The following CNNM2 variants were observed in gnomAD, a reference collection of about 807,000 sequenced individuals.
The protein encoded by CNNM2 is cyclin and CBS domain divalent metal cation transport mediator 2, also known as metal transporter CNNM2.
A neutral mutation model predicts 66.9 loss-of-function variants in CNNM2; 12 were observed. The observed-to-expected ratio is 0.18, with a 90% CI of 0.11 to 0.29. The LOEUF (loss-of-function observed/expected upper bound fraction) is 0.29, where lower values mean the gene tolerates loss of function less well. Among genes scored for constraint, CNNM2 ranks in the 10% least tolerant of loss-of-function variants. CNNM2 has a pLI of 1.00. For synonymous variants in CNNM2, 557 were observed against 501.8 expected (o/e 1.11, Z -1.47); for missense variants, 705 against 1,167.7 (o/e 0.60, Z 5.77).
intron 1 of CNNM2, among the ~76,000 whole-genome samples, chr10:102,921,936 C>T (rs1238979650): frequency 6.6e-6 from 1 of 152,084 alleles, no homozygotes; most frequent in Non-Finnish European, 1.5e-5. Flanking sequence ...TTTCAAAATT[C>T]GTATTATTTT....
intron 1 of CNNM2, chr10:102,927,536 G>C: frequency 7.2e-7 from 1 of 1,385,534 alleles, no homozygotes; most frequent in African/African-American, 1.4e-5. Flanking sequence ...CAGGGAGGTG[G>C]ATCACTTGAG....
Position 103,054,583 on chromosome 10 carries a change from C to A in CNNM2, c.1903+117C>A. ...TGGGAAATGGGGTGATAAGTAATGCCACTTTTGTGTTTTGTTTTTTTTGTT... is the reference window on the plus strand; with the variant it reads ...TGGGAAATGGGGTGATAAGTAATGCAACTTTTGTGTTTTGTTTTTTTTGTT... On this transcript the variant is annotated intron_variant, in intron 3 of 7. Coordinates refer to ENST00000369878, the MANE Select transcript of CNNM2 (RefSeq NM_017649.5). This position sits in a 1 kb window ranked among gnomAD's most constrained non-coding sequence, Gnocchi z 5.2. The A allele has an allele frequency of 9.4e-7, 1 of 1,061,176 alleles. No homozygotes were observed. The highest frequency in any genetic ancestry group is 1.4e-6 in the Non-Finnish European group (1 of 731,338). The allele number at this position is 1,061,176 out of a possible 1,614,324, so 65.7% of individuals were successfully genotyped here. A position where few individuals can be genotyped will look rare whatever the true frequency, so the allele number is the denominator to read the frequency against.
intron 1 of CNNM2, among the ~76,000 whole-genome samples, chr10:102,994,268 T>G (rs1412254689): frequency 6.6e-6 from 1 of 152,190 alleles, no homozygotes; most frequent in Non-Finnish European, 1.5e-5. Context: ...TTACTTGATA[T>G]GAGTTGTGAA....
chr10:103,059,086 G>T (rs1488364712), intron 4 of CNNM2, among the ~76,000 whole-genome samples: 2 of 152,100 alleles, frequency 1.3e-5, no homozygotes, highest in Non-Finnish European at 2.9e-5. Context: ...CAATTCTCCT[G>T]CCTCAGGCTC....
At chr10:102,996,305 C>G (rs1319122359) in intron 1 of CNNM2, among the ~76,000 whole-genome samples, 1 of 151,760 alleles carries the variant, frequency 6.6e-6, no homozygotes, top group Non-Finnish European at 1.5e-5. Context: ...ATTTGGCCAT[C>G]CCTCTTGTAT....
chr10:102,918,443 G>A lies in CNNM2; in HGVS notation c.-38G>A, dbSNP rs1274238822. 2.5e-6 allele frequency: 4 copies of A among 1,585,710 alleles called. No individual in the cohort carries two copies. The highest frequency in any genetic ancestry group is 3.4e-6 in the Non-Finnish European group (4 of 1,170,950). On this transcript the variant is annotated 5_prime_UTR_variant, in exon 1 of 8. Transcript: ENST00000369878. This position sits in a 1 kb window ranked among gnomAD's most constrained non-coding sequence, Gnocchi z 4.1. ...GCCGGTACCTGCGCTCGCGCCGCCG[G>A]GTTGAAAGGATGAAGCCGCAGCTGG...
chr10:102,979,536 C>T lies in CNNM2; in HGVS notation c.1621+59435C>T, dbSNP rs535145854. Among the ~76,000 whole-genome samples, 16 of 152,278 alleles carry T rather than the reference C, an allele frequency of 1.1e-4. No individual in the cohort carries two copies. The South Asian group carries it at 2.3e-3, about 22-fold the overall frequency. On this transcript the variant is annotated intron_variant, in intron 1 of 7. Transcript: ENST00000369878. The stretch of plus-strand genomic sequence containing the variant: ...CCCTTTATTTTGCATTATTTTTCCT[C>T]GTACTACTTACTACTGAGCATGTCT...
intron 1 of CNNM2, among the ~76,000 whole-genome samples, chr10:102,931,044 A>T (rs893437546): frequency 9.2e-5 from 14 of 152,184 alleles, no homozygotes; most frequent in African/African-American, 3.4e-4. Context: ...TAGTCTGAAG[A>T]TAGTTCAGTG....
chr10:103,037,271 T>C (rs893700097), intron 1 of CNNM2, among the ~76,000 whole-genome samples: 5 of 148,176 alleles, frequency 3.4e-5, no homozygotes, highest in African/African-American at 9.8e-5. Context: ...ATAATAAATA[T>C]ATATATTTTA....
chr10:103,029,319 AT>A (rs1242182352), intron 1 of CNNM2, among the ~76,000 whole-genome samples: 8 of 150,112 alleles, frequency 5.3e-5, no homozygotes, highest in African/African-American at 1.7e-4. Flanking sequence ...AAAAAAAAAA[AT>A]AGGCGGGCGT....
intron 1 of CNNM2, among the ~76,000 whole-genome samples, chr10:102,928,624 G>T (rs1179033470): frequency 6.6e-6 from 1 of 151,884 alleles, no homozygotes; most frequent in Non-Finnish European, 1.5e-5. Context: ...AGTTCTAGAG[G>T]CTGGGAAGTC....
intron 3 of CNNM2, among the ~76,000 whole-genome samples, chr10:103,055,103 G>A (rs901001373): frequency 3.9e-5 from 6 of 152,180 alleles, no homozygotes; most frequent in South Asian, 2.1e-4. Flanking sequence ...CACCAACCCA[G>A]CCGGCACTGA....
In CNNM2 at chr10:102,919,124, A is replaced by T. The variant is rs1845534996; in HGVS notation, c.644A>T (p.Lys215Met). The T allele has an allele frequency of 6.2e-7, 1 of 1,610,788 alleles. No individual in the cohort carries two copies. The highest frequency in any genetic ancestry group is 1.7e-5 in the Admixed American group (1 of 59,944). Reference protein sequence around the residue: ...SGSTGGAVGGKGGSGVAGLPP... With the variant: ...SGSTGGAVGGMGGSGVAGLPP... Reference sequence around the variant, plus strand: ...TCCACGGGTGGCGCCGTCGGGGGCAAGGGTGGCTCGGGGGTGGCCGGGCTC... The same window carrying T: ...TCCACGGGTGGCGCCGTCGGGGGCATGGGTGGCTCGGGGGTGGCCGGGCTC... The change falls in exon 1 of 8, where the codon AAG becomes ATG. Residue 215 changes from lysine to methionine, a missense_variant. Transcript: ENST00000369878.
rs988843204 is a variant in CNNM2, at chr10:103,079,531, C to T, written c.*2351C>T. The T allele has an allele frequency of 2.6e-5, 4 of 152,288 alleles. No individual in the cohort carries two copies. The highest frequency in any genetic ancestry group is 9.7e-5 in the African/African-American group (4 of 41,428). 9.4% of individuals were successfully genotyped at this position (152,288 alleles called of 1,614,324 possible). Reference sequence around the variant, plus strand: ...CTTTATAAATCCTAAAGAACTGAGTCTGGGGAGAGGAGAGGGGATGCCAGC... The same window carrying T: ...CTTTATAAATCCTAAAGAACTGAGTTTGGGGAGAGGAGAGGGGATGCCAGC... On this transcript the variant is annotated 3_prime_UTR_variant, in exon 8 of 8. Transcript: ENST00000369878.
chr10:103,039,191 C>T (rs980038824), intron 1 of CNNM2, among the ~76,000 whole-genome samples: 1 of 152,010 alleles, frequency 6.6e-6, no homozygotes, highest in Admixed American at 6.6e-5. Context: ...GTCAGCCAGG[C>T]TGGAATGCAT....
At chr10:102,994,959 A>G (rs1296440925) in intron 1 of CNNM2, among the ~76,000 whole-genome samples, 1 of 152,112 alleles carries the variant, frequency 6.6e-6, no homozygotes, top group Non-Finnish European at 1.5e-5. Flanking sequence ...AGAAAGGAGA[A>G]TATTCAATGC....
intron 1 of CNNM2, among the ~76,000 whole-genome samples, chr10:102,967,652 A>G (rs2063485538): frequency 6.6e-6 from 1 of 152,222 alleles, no homozygotes; most frequent in Non-Finnish European, 1.5e-5. Context: ...GATATACCAC[A>G]TTCTGTTACC....
intron 1 of CNNM2, among the ~76,000 whole-genome samples, chr10:102,998,827 C>CA (rs923968304): frequency 1.3e-5 from 2 of 151,950 alleles, no homozygotes; most frequent in Non-Finnish European, 2.9e-5. Flanking sequence ...AAAAGACAAA[C>CA]AAAAAAACCT....
chr10:103,033,209 G>A (rs1023925596), intron 1 of CNNM2, among the ~76,000 whole-genome samples: 1 of 151,206 alleles, frequency 6.6e-6, no homozygotes, highest in African/African-American at 2.4e-5. Flanking sequence ...ATGTTTTTGA[G>A]ATGGAGTCTT....
Sources: allele counts gnomAD v4.1 joint callset (sites outside exome capture counted in the v4.1 genomes callset), GRCh38; gene constraint gnomAD v4.1.1; non-coding constraint Gnocchi (gnomAD v3.1); transcripts MANE v1.5; gene names NCBI Gene and HGNC (gene_info 2026-07-23, HGNC 2026-07-21).